Variants in PSMB5 observed in about 807,000 individuals in gnomAD.
PSMB5 encodes proteasome 20S subunit beta 5.
In PSMB5, 2 loss-of-function variants were observed where a neutral mutation model predicts 22.8. That is an observed-to-expected ratio of 0.09 (90% CI 0.04 to 0.28). PSMB5 has a LOEUF of 0.28. PSMB5 is among the 10% of genes least tolerant of loss of function. The pLI is 1.00. For missense variants in PSMB5, 269 were observed against 343.8 expected, an observed-to-expected ratio of 0.78 and a Z score of 1.72; for synonymous variants, 133 against 135.3, an observed-to-expected ratio of 0.98 and a Z score of 0.12.
rs751623199 is a variant in PSMB5 at position 23,026,266 on chromosome 14, G to A, written c.615C>T (p.Asp205=). ...YGVMDRGYSY[D]LEVEQAYDLA... The stretch of plus-strand genomic sequence containing the variant: ...GATCATAGGCCTGCTCCACTTCCAG[G>A]TCATAGGAATAGCCCCGATCCATGA... The change falls in exon 3 of 3, where the codon GAC becomes GAT. Residue 205 remains aspartate (D), a synonymous_variant. Transcript: ENST00000361611. 4 of 1,613,950 alleles carry A rather than the reference G, an allele frequency of 2.5e-6. No homozygotes were observed. Among genetic ancestry groups the A allele is most frequent in the African/African-American group, 2.7e-5 (2 of 74,878 alleles).
At chr14:23,032,438 T>C (rs1445805954) in intron 2 of PSMB5, among the ~76,000 whole-genome samples, 2 of 151,766 alleles carry the variant, frequency 1.3e-5, no homozygotes, top group Admixed American at 6.6e-5. Context: ...GAGTGAAACT[T>C]TGCATCTCAA....
intron 2 of PSMB5, among the ~76,000 whole-genome samples, chr14:23,029,220 C>T (rs1479020521): frequency 6.6e-6 from 1 of 152,124 alleles, no homozygotes; most frequent in Admixed American, 6.6e-5. Context: ...CTGATGTCTA[C>T]CTTACTCCTT....
At chr14:23,030,838 T>A (rs1197807891) in intron 2 of PSMB5, among the ~76,000 whole-genome samples, 2 of 152,020 alleles carry the variant, frequency 1.3e-5, no homozygotes, top group Non-Finnish European at 1.5e-5. Flanking sequence ...AGGCAGGAGA[T>A]CACTTGAACC....
intron 2 of PSMB5, among the ~76,000 whole-genome samples, chr14:23,033,135 G>A (rs1390937852): frequency 6.6e-6 from 1 of 151,206 alleles, no homozygotes; most frequent in African/African-American, 2.4e-5. Flanking sequence ...TTGAATTCCT[G>A]AACCTGGGGG....
rs1198368373 is a variant in PSMB5, at chr14:23,026,181, T to C, written c.700A>G (p.Asn234Asp). 2 of 1,614,110 alleles carry C rather than the reference T, an allele frequency of 1.2e-6. No homozygotes were observed. Among genetic ancestry groups the C allele is most frequent in the East Asian group, 4.5e-5 (2 of 44,866 alleles). Residue 234 changes from asparagine to aspartate, a missense_variant, in exon 3 of 3, where the codon AAC becomes GAC. Around this residue, in one of 3 missense-constraint regions of PSMB5, gnomAD observed 113 missense variants for 130.2 expected, o/e 0.87. Coordinates refer to ENST00000361611, the MANE Select transcript of PSMB5 (RefSeq NM_002797.5). ...YRDAYSGGAV[N>D]LYHVREDGWI... ...CCATCCTCCCGCACGTGGTAGAGGT[T>C]GACTGCACCTCCTGAGTAGGCATCT...
chr14:23,034,733 T>C lies in PSMB5; in HGVS notation c.149A>G (p.Glu50Gly), dbSNP rs766822944. Reference sequence around the variant, plus strand: ...ATGAAGCATTTCGATTCCTGGCTCTTCTGGGACACCCCAGCCTGGCGCGGC... The same window carrying C: ...ATGAAGCATTTCGATTCCTGGCTCTCCTGGGACACCCCAGCCTGGCGCGGC... ...SLAAPGWGVP[E>G]EPGIEMLHGT... The change falls in exon 1 of 3, where the codon GAA (glutamate) becomes GGA (glycine). Residue 50 changes from glutamate (E) to glycine (G), a missense_variant. Glu to Gly is a moderately conservative substitution (Grantham distance 98). Around this residue, in one of 3 missense-constraint regions of PSMB5, gnomAD observed 81 missense variants for 70.4 expected, o/e 1.15. Coordinates refer to ENST00000361611, the MANE Select transcript of PSMB5 (RefSeq NM_002797.5). 1.9e-6 allele frequency: 3 copies of C among 1,614,186 alleles called. No homozygotes were observed. The highest frequency in any genetic ancestry group is 2.5e-6 in the Non-Finnish European group (3 of 1,180,032).
chr14:23,029,568 CA>C (rs1283773005), intron 2 of PSMB5, among the ~76,000 whole-genome samples: 1 of 152,156 alleles, frequency 6.6e-6, no homozygotes, highest in African/African-American at 2.4e-5. Flanking sequence ...ATTTTTGAGA[CA>C]AAGTTTCTTT....
At position 23,034,742 on chromosome 14, in the gene PSMB5, C is replaced by A. The variant is rs372434942; in HGVS notation, c.140G>T (p.Gly47Val). The A allele has an allele frequency of 4.3e-6, 7 of 1,614,188 alleles. No individual in the cohort carries two copies. In the Admixed American group the frequency reaches 1.0e-4, roughly 23 times the overall value. ...DGLSLAAPGW[G>V]VPEEPGIEML... ...TTCGATTCCTGGCTCTTCTGGGACA[C>A]CCCAGCCTGGCGCGGCCAGGCTCAG... Residue 47 changes from glycine (G) to valine (V), a missense_variant, in exon 1 of 3, where the codon GGT (glycine) becomes GTT (valine). Gly to Val is a moderately radical substitution (Grantham distance 109, BLOSUM62 -3). This residue lies in a region of PSMB5 where 81 missense variants were observed against 70.4 expected (regional missense o/e 1.15). Transcript: ENST00000361611.
At chr14:23,029,787 A>ATT (rs1315280801) in intron 2 of PSMB5, among the ~76,000 whole-genome samples, 2 of 140,008 alleles carry the variant, frequency 1.4e-5, no homozygotes, top group Non-Finnish European at 3.1e-5. Context: ...CTAATTTTGT[A>ATT]TTTTTTTTTT....
Position 23,025,989 on chromosome 14 carries a change from A to C in PSMB5, c.*100T>G. The C allele has an allele frequency of 1.3e-6, 2 of 1,540,872 alleles. No homozygotes were observed. The highest frequency in any genetic ancestry group is 2.6e-5 in the South Asian group (2 of 78,416). ...TTAAAAAAAAGTACTGATACAATTG[A>C]AGGCCCTTCCACTATAAATAGGATG... On this transcript the variant is annotated 3_prime_UTR_variant, in exon 3 of 3. Coordinates refer to ENST00000361611, the MANE Select transcript of PSMB5 (RefSeq NM_002797.5).
At chr14:23,026,598 C>T (rs1000394877) in intron 2 of PSMB5, among the ~76,000 whole-genome samples, 3 of 151,440 alleles carry the variant, frequency 2.0e-5, no homozygotes, top group African/African-American at 4.8e-5. Context: ...TACAAGCGCT[C>T]GTAACCACGC....
intron 2 of PSMB5, 34 bp from the exon 3 acceptor site, chr14:23,026,409 A>G (rs2139910803): frequency 1.3e-6 from 2 of 1,583,662 alleles, no homozygotes; most frequent in Non-Finnish European, 1.7e-6. Flanking sequence ...AGGAAAAAAA[A>G]AAAGATCACC....
At chr14:23,034,436 G>C (rs2046976771) in intron 1 of PSMB5, 1 of 483,662 alleles carries the variant, frequency 2.1e-6, no homozygotes, top group Non-Finnish European at 3.7e-6. Flanking sequence ...GGTCGCCTAG[G>C]AATCAACCCA....
chr14:23,033,237 A>G, intron 2 of PSMB5, 131 bp downstream of exon 2: 1 of 936,038 alleles, frequency 1.1e-6, no homozygotes, highest in Non-Finnish European at 1.6e-6. Flanking sequence ...AAAAAAAAAG[A>G]GAGAAGGAAG....
At chr14:23,026,401 G>GA (rs750434117) in intron 2 of PSMB5, 26 bp from the exon 3 acceptor site, 22,465 of 971,282 alleles carry the variant, frequency 0.023, no homozygotes, top group South Asian at 0.032. Flanking sequence ...AGGTTAGCAG[G>GA]AAAAAAAAAA....
intron 2 of PSMB5, 44 bp from the exon 3 acceptor site, chr14:23,026,419 C>A (rs755777576): frequency 6.3e-7 from 1 of 1,578,028 alleles, no homozygotes; most frequent in African/African-American, 1.4e-5. Flanking sequence ...AAAAGATCAC[C>A]CCTTTTGATA....
At chr14:23,031,838 C>G (rs1051142905) in intron 2 of PSMB5, among the ~76,000 whole-genome samples, 3 of 152,350 alleles carry the variant, frequency 2.0e-5, no homozygotes, top group Middle Eastern at 3.4e-3. Flanking sequence ...CCTGTAATCT[C>G]AACACTTTGG....
upstream of PSMB5, chr14:23,034,935 G>A: frequency 1.9e-6 from 3 of 1,567,460 alleles, no homozygotes; most frequent in South Asian, 2.3e-5. Flanking sequence ...AAGATAGGCC[G>A]GGCAACGCCT....
intron 2 of PSMB5, among the ~76,000 whole-genome samples, chr14:23,029,220 C>A (rs1479020521): frequency 6.6e-6 from 1 of 152,124 alleles, no homozygotes; most frequent in Non-Finnish European, 1.5e-5. Context: ...CTGATGTCTA[C>A]CTTACTCCTT....
Sources: allele counts gnomAD v4.1 joint callset (sites outside exome capture counted in the v4.1 genomes callset), GRCh38; gene constraint gnomAD v4.1.1; regional missense constraint gnomAD v4.1.1; transcripts MANE v1.5; gene names NCBI Gene and HGNC (gene_info 2026-07-23, HGNC 2026-07-21).